Variants in PTPRN2 observed in about 807,000 individuals in gnomAD.
PTPRN2 encodes receptor-type tyrosine-protein phosphatase N2.
In PTPRN2, 74 loss-of-function variants were observed where a neutral mutation model predicts 118.8. The ratio of observed to expected loss-of-function variants is 0.62; its 90% confidence interval spans 0.52 to 0.76. The LOEUF (loss-of-function observed/expected upper bound fraction) is 0.76, where lower values mean the gene tolerates loss of function less well. PTPRN2 is among the 30% of genes least tolerant of loss of function. The probability of loss-of-function intolerance (pLI) is 0.00; values close to 1 mark genes in which losing one functional copy is unlikely to be tolerated. For missense variants in PTPRN2, 1,481 were observed against 1,394.4 expected, an observed-to-expected ratio of 1.06 and a Z score of -0.99; for synonymous variants, 641 against 608.0, an observed-to-expected ratio of 1.05 and a Z score of -0.80.
At position 157,893,421 on chromosome 7, in the gene PTPRN2, G is replaced by A. The variant is rs1796924001; in HGVS notation, c.1788+5252C>T. On this transcript the variant is annotated intron_variant, in intron 12 of 22. Transcript: ENST00000389418. The surrounding 1 kb of genome is among the most constrained non-coding windows in gnomAD (Gnocchi z 4.0). ...ACCTTCCTTCCCACATATGAGATGGGTGGGCATCAGGAGTGGGCAGAGGCC... is the reference window on the plus strand; with the variant it reads ...ACCTTCCTTCCCACATATGAGATGGATGGGCATCAGGAGTGGGCAGAGGCC... Among the ~76,000 whole-genome samples, 1 of 152,214 alleles carries A rather than the reference G, an allele frequency of 6.6e-6. No homozygotes were observed. The highest frequency in any genetic ancestry group is 2.1e-4 in the South Asian group (1 of 4,830).
chr7:158,240,622 T>A (rs1055399250), intron 3 of PTPRN2, among the ~76,000 whole-genome samples: 2 of 152,118 alleles, frequency 1.3e-5, no homozygotes, highest in Admixed American at 1.3e-4. Context: ...AGAGACAGGG[T>A]TTCACCATGT....
chr7:157,657,194 C>G lies in PTPRN2; in HGVS notation c.2002-643G>C, dbSNP rs546785453. ...TACACACACATATGCCACACACACA[C>G]CACACACATCACACATATACACACA... On this transcript the variant is annotated intron_variant, in intron 13 of 22. Transcript: ENST00000389418. Among the ~76,000 whole-genome samples the G allele has an allele frequency of 8.7e-3, 1,177 of 135,646 alleles. 20 individuals carry two copies. The highest frequency in any genetic ancestry group is 0.021 in the South Asian group (84 of 3,996). The allele number at this position is 135,646 out of a possible 152,430, so 89.0% of individuals were successfully genotyped here. A position where few individuals can be genotyped will look rare whatever the true frequency, so the allele number is the denominator to read the frequency against.
intron 4 of PTPRN2, among the ~76,000 whole-genome samples, chr7:158,199,559 C>T (rs1416351560): frequency 6.6e-6 from 1 of 152,198 alleles, no homozygotes; most frequent in Non-Finnish European, 1.5e-5. Context: ...GTTACTCAAT[C>T]TCTGGAGATT....
chr7:157,934,961 C>T (rs969467997), intron 11 of PTPRN2, among the ~76,000 whole-genome samples: 1 of 152,142 alleles, frequency 6.6e-6, no homozygotes, highest in Non-Finnish European at 1.5e-5. Context: ...CCTTGCAGAA[C>T]CTTAAAGAGT....
intron 1 of PTPRN2, among the ~76,000 whole-genome samples, chr7:158,524,525 G>GTCA (rs1428985632): frequency 4.2e-5 from 2 of 47,960 alleles, no homozygotes; most frequent in Non-Finnish European, 1.1e-4. Flanking sequence ...CTGGAGTGGA[G>GTCA]TCTGCCCTGG....
chr7:158,175,936 G>A (rs913252287), intron 5 of PTPRN2, among the ~76,000 whole-genome samples: 1 of 150,732 alleles, frequency 6.6e-6, no homozygotes, highest in African/African-American at 2.4e-5. Context: ...CTCAAGACTC[G>A]CGACACCGTG....
At chr7:157,579,418 T>TC (rs1800227866) in intron 17 of PTPRN2, among the ~76,000 whole-genome samples, 1 of 152,238 alleles carries the variant, frequency 6.6e-6, no homozygotes, top group Non-Finnish European at 1.5e-5. Flanking sequence ...AACCTGCTCC[T>TC]CCAAATCGGT....
chr7:158,251,528 G>A (rs1254937098), intron 3 of PTPRN2, among the ~76,000 whole-genome samples: 6 of 149,912 alleles, frequency 4.0e-5, no homozygotes, highest in African/African-American at 7.4e-5. Context: ...TATGGTGCAT[G>A]TGGGGGGTGT....
intron 11 of PTPRN2, among the ~76,000 whole-genome samples, chr7:157,904,354 C>T (rs956961229): frequency 1.3e-5 from 2 of 152,194 alleles, no homozygotes; most frequent in African/African-American, 4.8e-5. Flanking sequence ...TTCTCAGAGC[C>T]CATATGCTCC....
chr7:157,739,683 T>C (rs1393852002), intron 12 of PTPRN2, among the ~76,000 whole-genome samples: 1 of 152,252 alleles, frequency 6.6e-6, no homozygotes, highest in Non-Finnish European at 1.5e-5. Context: ...AAGGTTGTTA[T>C]GGAATCAAAT....
chr7:157,634,806 C>T (rs1269198579), intron 14 of PTPRN2, among the ~76,000 whole-genome samples: 1 of 152,190 alleles, frequency 6.6e-6, no homozygotes, highest in Non-Finnish European at 1.5e-5. Flanking sequence ...CAAACTGAAA[C>T]CAGGGAGACA....
chr7:157,691,475 G>A (rs1039394722), intron 12 of PTPRN2, among the ~76,000 whole-genome samples: 7 of 148,872 alleles, frequency 4.7e-5, no homozygotes, highest in African/African-American at 1.5e-4. Context: ...TTCAGGGCGA[G>A]TAGACGAGAG....
At chr7:158,524,479 TG>T (rs1824611748) in intron 1 of PTPRN2, among the ~76,000 whole-genome samples, 2 of 107,718 alleles carry the variant, frequency 1.9e-5, no homozygotes, top group Non-Finnish European at 3.9e-5. Flanking sequence ...GAGTCTGCCC[TG>T]GAGCGGAGTC....
intron 11 of PTPRN2, among the ~76,000 whole-genome samples, chr7:157,914,787 T>C (rs1798304712): frequency 6.6e-6 from 1 of 152,158 alleles, no homozygotes; most frequent in African/African-American, 2.4e-5. Context: ...ACTTATGCAT[T>C]GTAGGTAAGA....
At chr7:157,745,012 C>T (rs913891661) in intron 12 of PTPRN2, among the ~76,000 whole-genome samples, 2 of 152,202 alleles carry the variant, frequency 1.3e-5, no homozygotes, top group Admixed American at 6.5e-5. Context: ...CGGCACCTTC[C>T]TTACGAGGAC....
At chr7:158,332,162 C>A (rs1458772229) in intron 2 of PTPRN2, among the ~76,000 whole-genome samples, 1 of 150,426 alleles carries the variant, frequency 6.6e-6, no homozygotes, top group Non-Finnish European at 1.5e-5. Context: ...CTGCAGATGT[C>A]ACTCACATCC....
intron 1 of PTPRN2, chr7:158,539,562 A>G (rs1479406742): frequency 6.2e-6 from 1 of 161,698 alleles, no homozygotes; most frequent in African/African-American, 2.4e-5. Flanking sequence ...GGGTTCAGCC[A>G]TAACCTCCAG....
At chr7:158,338,476 T>C (rs375533449) in intron 2 of PTPRN2, among the ~76,000 whole-genome samples, 56 of 16,114 alleles carry the variant, frequency 3.5e-3, no homozygotes, top group South Asian at 0.012. Flanking sequence ...CACATGCAGA[T>C]GTCACTCACA....
rs1800514290 is a variant in PTPRN2, at chr7:157,583,829, C to G, written c.2497-5689G>C. 6.6e-6 allele frequency among the ~76,000 whole-genome samples: 1 copy of G among 151,308 alleles called. No individual in the cohort carries two copies. Among genetic ancestry groups the G allele is most frequent in the Non-Finnish European group, 1.5e-5 (1 of 67,938 alleles). Reference sequence around the variant, plus strand: ...CCTGGAAGGCAGAGGTTGCAGTGAGCTGAGATCATGCCACTGCACGCCAGC... The same window carrying G: ...CCTGGAAGGCAGAGGTTGCAGTGAGGTGAGATCATGCCACTGCACGCCAGC... On this transcript the variant is annotated intron_variant, in intron 17 of 22. Transcript: ENST00000389418. The surrounding 1 kb of genome is among the most constrained non-coding windows in gnomAD (Gnocchi z 5.5).
Sources: allele counts gnomAD v4.1 joint callset (sites outside exome capture counted in the v4.1 genomes callset), GRCh38; gene constraint gnomAD v4.1.1; non-coding constraint Gnocchi (gnomAD v3.1); transcripts MANE v1.5; gene names NCBI Gene and HGNC (gene_info 2026-07-23, HGNC 2026-07-21).